Variants in FBF1 observed in about 807,000 individuals in gnomAD.
FBF1 encodes Fas binding factor 1.
A neutral mutation model predicts 147.2 loss-of-function variants in FBF1; 119 were observed. The ratio of observed to expected loss-of-function variants is 0.81; its 90% CI spans 0.70 to 0.94. The LOEUF (loss-of-function observed/expected upper bound fraction) is 0.94, where lower values mean the gene tolerates loss of function less well. FBF1 is among the 40% of genes least tolerant of loss of function. The probability of loss-of-function intolerance (pLI) is 0.00; values close to 1 mark genes in which losing one functional copy is unlikely to be tolerated. For missense variants in FBF1, 1,449 were observed against 1,500.8 expected, an observed-to-expected ratio of 0.97 and a Z score of 0.57; for synonymous variants, 601 against 609.0, an observed-to-expected ratio of 0.99 and a Z score of 0.19.
At position 75,925,882 on chromosome 17, in the gene FBF1, G is replaced by A. The variant is rs952153663; in HGVS notation, c.868+148C>T. ...GTGGTCACGGTAAGTATTATTTCACGGTAAGTATTATTTTGTCTCAGCTAT... is the reference window on the plus strand; with the variant it reads ...GTGGTCACGGTAAGTATTATTTCACAGTAAGTATTATTTTGTCTCAGCTAT... On this transcript the variant is annotated intron_variant, in intron 12 of 29. Transcript: ENST00000636174. The surrounding 1 kb of genome is among the most constrained non-coding windows in gnomAD (Gnocchi z 5.0). 1.1e-5 allele frequency: 13 copies of A among 1,173,176 alleles called. No individual in the cohort carries two copies. The highest frequency in any genetic ancestry group is 3.4e-5 in the South Asian group (2 of 59,090). 72.7% of individuals were successfully genotyped at this position (1,173,176 alleles called of 1,614,324 possible).
At chr17:75,940,274 G>A (rs540430797) in intron 1 of FBF1, among the ~76,000 whole-genome samples, 40 of 149,048 alleles carry the variant, frequency 2.7e-4, no homozygotes, top group African/African-American at 8.7e-4. Context: ...ACAGGGTCTC[G>A]CTCTGTTGCC....
intron 28 of FBF1, among the ~76,000 whole-genome samples, chr17:75,913,049 A>G (rs185006677): frequency 1.1e-3 from 166 of 151,652 alleles, no homozygotes; most frequent in African/African-American, 3.7e-3. Context: ...TCAAAAAAGA[A>G]AAGAAAAAAA....
At position 75,912,175 on chromosome 17, in the gene FBF1, G is replaced by A. The variant is rs1312396598; in HGVS notation, c.3363+17C>T. ...GACTCGTGAACACAAGGATCCCCAA[G>A]GCCAGGAGAGACTCACCTGCTCTGC... On this transcript the variant is annotated intron_variant, in intron 29 of 29. Coordinates refer to ENST00000636174, the MANE Select transcript of FBF1 (RefSeq NM_001319193.2). The A allele has an allele frequency of 6.3e-7, 1 of 1,592,148 alleles. No homozygotes were observed. The highest frequency in any genetic ancestry group is 1.8e-5 in the Admixed American group (1 of 56,752).
Position 75,917,947 on chromosome 17 carries a change from A to T in FBF1, c.2370T>A (p.Arg790=), listed in dbSNP as rs969951029. 21 of 1,602,756 alleles carry T rather than the reference A, an allele frequency of 1.3e-5. No individual in the cohort carries two copies. Among genetic ancestry groups the T allele is most frequent in the African/African-American group, 2.7e-5 (2 of 74,766 alleles). Residue 790 remains arginine, a synonymous_variant, in exon 22 of 30, where the codon CGT becomes CGA. Transcript: ENST00000636174. The part of the protein sequence containing the change: ...SQERELGIRQ[R]DEQLRALQER... ...AGGGCGTACCCCGCAGCTGCTCGTC[A>T]CGCTGCCGGATCCCCAGCTCCCGCT...
rs537422190 is a variant in FBF1, at chr17:75,931,258, T to G, written c.199A>C (p.Met67Leu). 4.4e-6 allele frequency: 7 copies of G among 1,583,058 alleles called. No homozygotes were observed. The highest frequency in any genetic ancestry group is 1.2e-5 in the South Asian group (1 of 86,224). Residue 67 changes from methionine to leucine, a missense_variant, in exon 6 of 30, where the codon ATG (methionine) becomes CTG (leucine). Met to Leu is a conservative substitution (Grantham distance 15). Transcript: ENST00000636174. ...SLLGDDVFST[M>L]AGLEEADAEV... Reference sequence around the variant, plus strand: ...GCATCAGCTTCTTCCAGGCCTGCCATGGTGCTGAAGACATCATCACCCAGG... The same window carrying G: ...GCATCAGCTTCTTCCAGGCCTGCCAGGGTGCTGAAGACATCATCACCCAGG...
chr17:75,918,094 C>T lies in FBF1; in HGVS notation c.2247-24G>A. On this transcript the variant is annotated intron_variant, in intron 21 of 29. Coordinates refer to ENST00000636174, the MANE Select transcript of FBF1 (RefSeq NM_001319193.2). The surrounding 1 kb of genome is among the most constrained non-coding windows in gnomAD (Gnocchi z 5.8). ...ACCTGGAAGAAGACTGGGTCACCCC[C>T]TCCTGACGGTCTCGGGGACCTTCCG... 6.2e-7 allele frequency: 1 copy of T among 1,606,026 alleles called. No individual in the cohort carries two copies. The highest frequency in any genetic ancestry group is 8.5e-7 in the Non-Finnish European group (1 of 1,174,698).
chr17:75,916,314 T>C (rs1327115151), intron 23 of FBF1, among the ~76,000 whole-genome samples: 2 of 136,088 alleles, frequency 1.5e-5, no homozygotes, highest in African/African-American at 5.6e-5. Flanking sequence ...TGAGACCCCA[T>C]CTCTAAAAAA....
At chr17:75,932,608 G>C (rs751024593) in intron 5 of FBF1, among the ~76,000 whole-genome samples, 1 of 152,030 alleles carries the variant, frequency 6.6e-6, no homozygotes, top group South Asian at 2.1e-4. Context: ...AGCCGGGTGG[G>C]CCGGGCATGG....
chr17:75,915,160 C>G, intron 23 of FBF1, 21 bp from the exon 24 acceptor site: 1 of 1,601,860 alleles, frequency 6.2e-7, no homozygotes, highest in Non-Finnish European at 8.5e-7. Context: ...CAGGGCAGGA[C>G]TGAGAGCGTG....
At chr17:75,924,057 C>CA (rs11398783) in intron 13 of FBF1, among the ~76,000 whole-genome samples, 18,316 of 151,746 alleles carry the variant, frequency 0.12, 1,719 homozygotes, top group African/African-American at 0.26. Flanking sequence ...ACTAAAAACA[C>CA]AAAAAAATTA....
chr17:75,923,436 GAGGCACTGAGGGCGTGAC>G lies in FBF1; in HGVS notation c.1156_1173del (p.Val386_Pro391del). Reference sequence around the variant, plus strand: ...GGCGTGGAGTGCTGGCTCGCAGGAGGAGGCACTGAGGGCGTGACAGGCACTGAACTTTCCCGATGGGCC... The same window carrying G: ...GGCGTGGAGTGCTGGCTCGCAGGAGGAGGCACTGAACTTTCCCGATGGGCC... On this transcript the variant is annotated inframe_deletion, in exon 14 of 30. Transcript: ENST00000636174. This position sits in a 1 kb window ranked among gnomAD's most constrained non-coding sequence, Gnocchi z 4.1. The G allele has an allele frequency of 6.2e-7, 1 of 1,608,650 alleles. No homozygotes were observed. Among genetic ancestry groups the G allele is most frequent in the Non-Finnish European group, 8.5e-7 (1 of 1,177,918 alleles).
chr17:75,912,387 G>T, intron 28 of FBF1, 80 bp from the exon 29 acceptor site: 1 of 1,085,380 alleles, frequency 9.2e-7, no homozygotes, highest in Non-Finnish European at 1.3e-6. Flanking sequence ...CTGCAGAGCT[G>T]CTCCCCCCGC....
chr17:75,909,720 A>T lies in FBF1; in HGVS notation c.*1003T>A, dbSNP rs1224731685. On this transcript the variant is annotated 3_prime_UTR_variant, in exon 30 of 30. Transcript: ENST00000636174. Reference sequence around the variant, plus strand: ...TGCTGGAGGGGAGAGGCACGTGGCCAGAGGCGCCTGGTCCTGACCAATCTT... The same window carrying T: ...TGCTGGAGGGGAGAGGCACGTGGCCTGAGGCGCCTGGTCCTGACCAATCTT... 1.7e-6 allele frequency: 1 copy of T among 585,146 alleles called. No homozygotes were observed. Among genetic ancestry groups the T allele is most frequent in the East Asian group, 2.8e-5 (1 of 36,034 alleles). 36.2% of individuals were successfully genotyped at this position (585,146 alleles called of 1,614,324 possible).
At chr17:75,920,689 C>A (rs1187867682) in intron 17 of FBF1, among the ~76,000 whole-genome samples, 1 of 152,214 alleles carries the variant, frequency 6.6e-6, no homozygotes, top group African/African-American at 2.4e-5. Flanking sequence ...GCTTCCCAGA[C>A]AAATGGCTGA....
rs1337453329 is a variant in FBF1, at chr17:75,910,651, A to G, written c.*72T>C. 1.2e-5 allele frequency: 17 copies of G among 1,396,232 alleles called. No individual in the cohort carries two copies. The highest frequency in any genetic ancestry group is 1.8e-4 in the Middle Eastern group (1 of 5,506). 86.5% of individuals were successfully genotyped at this position (1,396,232 alleles called of 1,614,324 possible). A position where few individuals can be genotyped will look rare whatever the true frequency, so the allele number is the denominator to read the frequency against. On this transcript the variant is annotated 3_prime_UTR_variant, in exon 30 of 30. Coordinates refer to ENST00000636174, the MANE Select transcript of FBF1 (RefSeq NM_001319193.2). This position sits in a 1 kb window ranked among gnomAD's most constrained non-coding sequence, Gnocchi z 4.1. ...AGAATCCTCCCCAGGCACTGCCTCC[A>G]TGGAGGCAGCCGGAGGAACAGGACA...
chr17:75,914,872 G>C lies in FBF1; in HGVS notation c.2689C>G (p.Leu897Val), dbSNP rs766421890. 1.9e-6 allele frequency: 3 copies of C among 1,603,496 alleles called. No homozygotes were observed. Among genetic ancestry groups the C allele is most frequent in the African/African-American group, 1.3e-5 (1 of 74,632 alleles). The change falls in exon 25 of 30, where the codon CTG (leucine) becomes GTG (valine). Residue 897 changes from leucine (L) to valine (V), a missense_variant. Transcript: ENST00000636174. ...MLKCGEERRRLAAEWAEFSAQ... is the reference protein window; with the variant it reads ...MLKCGEERRRVAAEWAEFSAQ... ...GAGAACTCCGCCCACTCGGCAGCCAGGCGCCGCCGCTCCTCCCCGCACTTG... is the reference window on the plus strand; with the variant it reads ...GAGAACTCCGCCCACTCGGCAGCCACGCGCCGCCGCTCCTCCCCGCACTTG...
chr17:75,926,286 A>C lies in FBF1; in HGVS notation c.734+2T>G. 1 of 1,612,946 alleles carries C rather than the reference A, an allele frequency of 6.2e-7. No individual in the cohort carries two copies. Among genetic ancestry groups the C allele is most frequent in the Non-Finnish European group, 8.5e-7 (1 of 1,179,602 alleles). On this transcript the variant is annotated splice_donor_variant, in intron 11 of 29. Transcript: ENST00000636174. LOFTEE classifies it high-confidence loss of function. ...CAGCCTGGCCTACTCAGGGATCCTT[A>C]CTGGTCTCCTATCTGCCTCTTCTCT...
At chr17:75,935,230 C>A (rs1319327114) in intron 4 of FBF1, among the ~76,000 whole-genome samples, 2 of 150,076 alleles carry the variant, frequency 1.3e-5, no homozygotes, top group South Asian at 4.2e-4. Context: ...AGTGGTGCAA[C>A]GTTGGCTCAC....
chr17:75,921,078 C>T (rs1191866155), intron 17 of FBF1, among the ~76,000 whole-genome samples, 166 bp downstream of exon 17: 1 of 152,230 alleles, frequency 6.6e-6, no homozygotes. Flanking sequence ...GCTAGAAATT[C>T]AGGCAAGTTC....
Sources: gnomAD v4.1 joint callset for allele counts (sites outside exome capture counted in the v4.1 genomes callset) on GRCh38, gnomAD v4.1.1 for gene constraint, Gnocchi (gnomAD v3.1) non-coding constraint, MANE v1.5 for transcripts, NCBI Gene and HGNC (gene_info 2026-07-23, HGNC 2026-07-21) for gene names.